The following TNS3 variants were observed in gnomAD, a reference collection of about 807,000 sequenced individuals.
The protein encoded by TNS3 is tensin-3.
Under a neutral mutation model 140.9 loss-of-function variants are expected in TNS3, and 45 were observed. That is an observed-to-expected ratio of 0.32 (90% CI 0.25 to 0.41). The LOEUF (loss-of-function observed/expected upper bound fraction) is 0.41, where lower values mean the gene tolerates loss of function less well. TNS3 is among the 10% of genes least tolerant of loss of function. The pLI is 1.00. For missense variants in TNS3, 1,716 were observed against 1,906.7 expected, an observed-to-expected ratio of 0.90 and a Z score of 1.86; for synonymous variants, 815 against 788.4, an observed-to-expected ratio of 1.03 and a Z score of -0.56.
intron 16 of TNS3, among the ~76,000 whole-genome samples, chr7:47,394,903 G>A (rs2151313012): frequency 6.6e-6 from 1 of 152,374 alleles, no homozygotes; most frequent in East Asian, 1.9e-4. Context: ...CTGGGAGCCA[G>A]CTTGGGGACA....
chr7:47,433,049 G>C (rs1426777818), intron 8 of TNS3, among the ~76,000 whole-genome samples: 1 of 152,146 alleles, frequency 6.6e-6, no homozygotes, highest in Non-Finnish European at 1.5e-5. Flanking sequence ...CCAGGGTGTG[G>C]AGGGGTGAGG....
intron 3 of TNS3, among the ~76,000 whole-genome samples, chr7:47,484,611 C>T (rs1797544525): frequency 1.3e-5 from 2 of 152,196 alleles, no homozygotes; most frequent in South Asian, 4.1e-4. Context: ...TGCTGTTCTT[C>T]AGCCTTAGCA....
rs566261859 is a variant in TNS3 at position 47,504,714 on chromosome 7, C to A, written c.-115+2193G>T. On this transcript the variant is annotated intron_variant, in intron 3 of 30. Transcript: ENST00000311160. ...GAAGACCGAGCGGCTCCCTTAGCCA[C>A]ATACCCTGCAGGAGCAGCTGGGGAG... Among the ~76,000 whole-genome samples the A allele has an allele frequency of 2.6e-5, 4 of 152,232 alleles. No homozygotes were observed. In the East Asian group the frequency reaches 7.7e-4, roughly 29 times the overall value.
chr7:47,529,358 TCCTAGACGGACGTTC>T (rs1370632893), intron 1 of TNS3, among the ~76,000 whole-genome samples: 1 of 152,040 alleles, frequency 6.6e-6, no homozygotes, highest in African/African-American at 2.4e-5. Context: ...AATTCCAGAG[TCCTAGACGGACGTTC>T]ACTCTCACCC....
intron 11 of TNS3, among the ~76,000 whole-genome samples, chr7:47,414,410 G>A (rs758417643): frequency 1.3e-5 from 2 of 152,230 alleles, no homozygotes; most frequent in Non-Finnish European, 2.9e-5. Flanking sequence ...GCCATGTGCT[G>A]TGTGTGCCTG....
chr7:47,404,927 T>C (rs191726154), intron 13 of TNS3, among the ~76,000 whole-genome samples: 6 of 152,238 alleles, frequency 3.9e-5, no homozygotes, highest in Non-Finnish European at 7.4e-5. Context: ...GCCTGTGCCC[T>C]TGACTGGACT....
At chr7:47,546,504 C>T (rs1799925591) in intron 1 of TNS3, among the ~76,000 whole-genome samples, 1 of 152,214 alleles carries the variant, frequency 6.6e-6, no homozygotes, top group Non-Finnish European at 1.5e-5. Flanking sequence ...GGTGCTGAGG[C>T]TGGGAGCCTG....
At chr7:47,507,564 T>C (rs1798465109) in intron 2 of TNS3, among the ~76,000 whole-genome samples, 1 of 152,084 alleles carries the variant, frequency 6.6e-6, no homozygotes, top group African/African-American at 2.4e-5. Flanking sequence ...GAGGGGCCAT[T>C]GTGTGAACGG....
chr7:47,411,768 T>G lies in TNS3; in HGVS notation c.682A>C (p.Ile228Leu), dbSNP rs202092684. 8.7e-6 allele frequency: 14 copies of G among 1,613,390 alleles called. No homozygotes were observed. The African/African-American group carries it at 1.7e-4, about 20-fold the overall frequency. ...VGPENPSRIC[I>L]VIEPAQLLKG... is the part of the protein sequence containing the mutation. The stretch of plus-strand genomic sequence containing the variant: ...AGAAGCTGGGCCGGCTCGATGACGA[T>G]GCAGATCCTGCTGGGGTTTTCTGGG... Residue 228 changes from isoleucine (I) to leucine (L), a missense_variant, in exon 13 of 31, where the codon ATC becomes CTC. Physicochemically the swap from Ile to Leu is conservative, Grantham distance 5. This residue lies in a region of TNS3 where 337 missense variants were observed against 428.9 expected (regional missense o/e 0.79). Transcript: ENST00000311160.
intron 17 of TNS3, among the ~76,000 whole-genome samples, chr7:47,355,168 C>T (rs1482890354): frequency 1.3e-5 from 2 of 152,242 alleles, no homozygotes; most frequent in East Asian, 3.9e-4. Context: ...TGCGCAGGGT[C>T]ACCTGAGACT....
At chr7:47,574,035 G>A (rs555091681) in intron 1 of TNS3, among the ~76,000 whole-genome samples, 9 of 152,262 alleles carry the variant, frequency 5.9e-5, no homozygotes, top group Admixed American at 3.3e-4. Flanking sequence ...CTGCATCGAC[G>A]TTTTAACAGA....
intron 4 of TNS3, among the ~76,000 whole-genome samples, chr7:47,442,463 T>C (rs1397644350): frequency 2.0e-5 from 3 of 152,230 alleles, no homozygotes; most frequent in Non-Finnish European, 2.9e-5. Flanking sequence ...TTCTCAGTCA[T>C]ACCTACTCTT....
chr7:47,504,428 G>C (rs1798338673), intron 3 of TNS3, among the ~76,000 whole-genome samples: 1 of 152,164 alleles, frequency 6.6e-6, no homozygotes, highest in Non-Finnish European at 1.5e-5. Context: ...GGCATGTGTG[G>C]AGCCTGTAGA....
chr7:47,561,336 C>T (rs867915800), intron 1 of TNS3, among the ~76,000 whole-genome samples: 1 of 152,140 alleles, frequency 6.6e-6, no homozygotes. Context: ...TTCCACTTCT[C>T]TAATGTGGTG....
intron 20 of TNS3, among the ~76,000 whole-genome samples, chr7:47,344,101 A>G (rs1789177966): frequency 6.6e-6 from 1 of 152,186 alleles, no homozygotes; most frequent in Non-Finnish European, 1.5e-5. Context: ...TGAAATGTGC[A>G]CGAGCTTTAG....
intron 20 of TNS3, among the ~76,000 whole-genome samples, chr7:47,342,960 G>A (rs1050681909): frequency 6.6e-6 from 1 of 152,174 alleles, no homozygotes; most frequent in Admixed American, 6.5e-5. Flanking sequence ...TGCTCCTTGT[G>A]GGCTAATGTG....
At position 47,530,838 on chromosome 7, in the gene TNS3, A is replaced by AAAAT; in HGVS notation, c.-264-1692_-264-1691insATTT. 1.9e-3 allele frequency among the ~76,000 whole-genome samples: 105 copies of AAAAT among 54,564 alleles called. 1 individual carries two copies. Among genetic ancestry groups the AAAAT allele is most frequent in the Middle Eastern group, 0.019 (1 of 54 alleles). The allele number at this position is 54,564 out of a possible 152,430, so 35.8% of individuals were successfully genotyped here. A position where few individuals can be genotyped will look rare whatever the true frequency, so the allele number is the denominator to read the frequency against. On this transcript the variant is annotated intron_variant, in intron 1 of 30. Coordinates refer to ENST00000311160, the MANE Select transcript of TNS3 (RefSeq NM_022748.12). Reference sequence around the variant, plus strand: ...AACTCCATCTCAAAAAAAAAAAAAAAATATATATATATATATATATTTCTA... The same window carrying AAAAT: ...AACTCCATCTCAAAAAAAAAAAAAAAAAATATATATATATATATATATATTTCTA...
intron 1 of TNS3, among the ~76,000 whole-genome samples, chr7:47,534,641 T>A (rs1438440546): frequency 6.6e-6 from 1 of 152,208 alleles, no homozygotes; most frequent in Non-Finnish European, 1.5e-5. Flanking sequence ...CACCACTGTA[T>A]ATAACCGACT....
intron 30 of TNS3, chr7:47,279,752 G>A (rs889576884): frequency 4.1e-5 from 8 of 195,986 alleles, no homozygotes; most frequent in East Asian, 1.4e-4. Flanking sequence ...GTGGAGCAAC[G>A]GTGTGATGAA....
Sources: allele counts gnomAD v4.1 joint callset (sites outside exome capture counted in the v4.1 genomes callset), GRCh38; gene constraint gnomAD v4.1.1; regional missense constraint gnomAD v4.1.1; transcripts MANE v1.5; gene names NCBI Gene and HGNC (gene_info 2026-07-23, HGNC 2026-07-21).